The following ADAMTS12 variants were observed in gnomAD, a reference collection of about 807,000 sequenced individuals.
ADAMTS12 encodes A disintegrin and metalloproteinase with thrombospondin motifs 12.
Under a neutral mutation model 167.8 loss-of-function variants are expected in ADAMTS12, and 118 were observed. That is an observed-to-expected ratio of 0.70 (90% confidence interval 0.61 to 0.82). ADAMTS12 has a LOEUF of 0.82. ADAMTS12 is among the 40% of genes least tolerant of loss of function. The pLI, the probability that ADAMTS12 is intolerant of heterozygous loss-of-function variation, is 0.00. For synonymous variants in ADAMTS12, 704 were observed against 716.9 expected (o/e 0.98, Z 0.29); for missense variants, 1,916 against 1,998.8 (o/e 0.96, Z 0.79).
chr5:33,871,323 T>G (rs529969406), intron 2 of ADAMTS12, among the ~76,000 whole-genome samples: 1 of 152,094 alleles, frequency 6.6e-6, no homozygotes, highest in Admixed American at 6.5e-5. Flanking sequence ...AAACAGAAGA[T>G]AAGGAAACAC....
At chr5:33,799,880 C>G (rs1269116674) in intron 2 of ADAMTS12, among the ~76,000 whole-genome samples, 1 of 152,114 alleles carries the variant, frequency 6.6e-6, no homozygotes, top group Non-Finnish European at 1.5e-5. Context: ...TCTCCTCAAT[C>G]CAGATAAGGG....
At chr5:33,655,396 C>T (rs4866357) in intron 7 of ADAMTS12, among the ~76,000 whole-genome samples, 10,764 of 152,118 alleles carry the variant, frequency 0.071, 484 homozygotes, top group Non-Finnish European at 0.11. Flanking sequence ...GTTCTTCTCA[C>T]GTTGGGTAGG....
At chr5:33,650,864 T>G (rs923534905) in intron 7 of ADAMTS12, among the ~76,000 whole-genome samples, 1 of 152,208 alleles carries the variant, frequency 6.6e-6, no homozygotes, top group African/African-American at 2.4e-5. Context: ...TAAATCTGTA[T>G]GACCTTTTAC....
chr5:33,702,912 G>A (rs1743054205), intron 3 of ADAMTS12, among the ~76,000 whole-genome samples: 2 of 152,152 alleles, frequency 1.3e-5, no homozygotes, highest in Admixed American at 1.3e-4. Context: ...AAGACTGTCT[G>A]TAGATGGTAC....
At chr5:33,699,875 C>T (rs1212049658) in intron 3 of ADAMTS12, among the ~76,000 whole-genome samples, 1 of 152,022 alleles carries the variant, frequency 6.6e-6, no homozygotes, top group Non-Finnish European at 1.5e-5. Context: ...AGTAACAATA[C>T]AAAAACAAGC....
At chr5:33,539,492 G>A (rs1284790466) in intron 22 of ADAMTS12, among the ~76,000 whole-genome samples, 1 of 152,156 alleles carries the variant, frequency 6.6e-6, no homozygotes, top group Non-Finnish European at 1.5e-5. Flanking sequence ...CCAAGGTGCT[G>A]GTTGTAAAAC....
chr5:33,555,653 A>G (rs1028692229), intron 20 of ADAMTS12, among the ~76,000 whole-genome samples: 4 of 152,258 alleles, frequency 2.6e-5, no homozygotes, highest in Admixed American at 2.6e-4. Context: ...TGTAATTAAA[A>G]TGACATAATC....
Position 33,862,188 on chromosome 5 carries a change from T to C in ADAMTS12, c.489+18931A>G, listed in dbSNP as rs144204271. Among the ~76,000 whole-genome samples, 866 of 151,812 alleles carry C rather than the reference T, an allele frequency of 5.7e-3. 8 individuals carry two copies. The highest frequency in any genetic ancestry group is 0.02 in the African/African-American group (838 of 41,420). On this transcript the variant is annotated intron_variant, in intron 2 of 23. Transcript: ENST00000504830. The stretch of plus-strand genomic sequence containing the variant: ...GGAAATAACTAAGATCAGAGCAGAA[T>C]TGAAAAAGATAGAGACATGAAAAAC...
chr5:33,648,879 A>C lies in ADAMTS12; in HGVS notation c.1422T>G (p.Val474=). The C allele has an allele frequency of 1.6e-5, 26 of 1,614,024 alleles. No individual in the cohort carries two copies. The highest frequency in any genetic ancestry group is 2.2e-5 in the Non-Finnish European group (26 of 1,179,980). Residue 474 remains valine, a synonymous_variant, in exon 9 of 24, where the codon GTT becomes GTG. Coordinates refer to ENST00000504830, the MANE Select transcript of ADAMTS12 (RefSeq NM_030955.4). ...KVIAPGVIYD[V]HHQCQLQYGP... is the part of the protein sequence containing the mutation. ...CATATTGTAGCTGGCACTGGTGGTG[A>C]ACATCATAGATCACTCCGGGGGCAA...
At chr5:33,588,867 C>G in intron 17 of ADAMTS12, 58 bp from the exon 18 acceptor site, 2 of 1,587,154 alleles carry the variant, frequency 1.3e-6, no homozygotes, top group Non-Finnish European at 1.7e-6. Context: ...ATGTTCCATT[C>G]AACCACTGAG....
chr5:33,698,952 T>G (rs957391248), intron 3 of ADAMTS12, among the ~76,000 whole-genome samples: 1 of 151,802 alleles, frequency 6.6e-6, no homozygotes, highest in Admixed American at 6.6e-5. Flanking sequence ...AGGTCAGGAG[T>G]TCGAGACAAG....
At chr5:33,615,712 T>C in intron 15 of ADAMTS12, 116 bp downstream of exon 15, 1 of 1,391,646 alleles carries the variant, frequency 7.2e-7, no homozygotes, top group Non-Finnish European at 9.8e-7. Flanking sequence ...CCCTGCTCCT[T>C]GCTAAAAGAG....
chr5:33,562,369 T>G (rs1433012119), intron 19 of ADAMTS12, among the ~76,000 whole-genome samples: 1 of 152,170 alleles, frequency 6.6e-6, no homozygotes, highest in Non-Finnish European at 1.5e-5. Context: ...GGGGGTCACT[T>G]TGAAAACCAT....
At chr5:33,671,197 T>A (rs1313643494) in intron 5 of ADAMTS12, among the ~76,000 whole-genome samples, 1 of 152,120 alleles carries the variant, frequency 6.6e-6, no homozygotes, top group African/African-American at 2.4e-5. Context: ...TATGAAAGGG[T>A]AGCACAAGGG....
At chr5:33,852,297 G>T (rs1037739781) in intron 2 of ADAMTS12, among the ~76,000 whole-genome samples, 9 of 152,136 alleles carry the variant, frequency 5.9e-5, no homozygotes. Context: ...TTTTAAAAAG[G>T]TTTTCTAGAA....
At chr5:33,696,540 G>A (rs4461641) in intron 3 of ADAMTS12, among the ~76,000 whole-genome samples, 1 of 151,956 alleles carries the variant, frequency 6.6e-6, no homozygotes, top group South Asian at 2.1e-4. Flanking sequence ...TTCTTTTCCG[G>A]GACCCTAACT....
At chr5:33,747,901 T>A (rs1438000061) in intron 3 of ADAMTS12, among the ~76,000 whole-genome samples, 1 of 152,200 alleles carries the variant, frequency 6.6e-6, no homozygotes, top group East Asian at 1.9e-4. Context: ...AGGTATATTC[T>A]ATTTACAATT....
intron 7 of ADAMTS12, among the ~76,000 whole-genome samples, chr5:33,650,293 T>C (rs1239751645): frequency 6.6e-6 from 1 of 152,168 alleles, no homozygotes; most frequent in Non-Finnish European, 1.5e-5. Flanking sequence ...TGTAAATCAT[T>C]AAAACTTGCC....
At position 33,641,918 on chromosome 5, in the gene ADAMTS12, T is replaced by G. The variant is rs138623141; in HGVS notation, c.1610A>C (p.Lys537Thr). The G allele has an allele frequency of 6.2e-7, 1 of 1,613,624 alleles. No individual in the cohort carries two copies. The highest frequency in any genetic ancestry group is 8.5e-7 in the Non-Finnish European group (1 of 1,179,662). ...CCAGCCTCCAGGAATGCTCTCTGGT[T>G]TCTTCCCCACTGTGATGCACTTGCC... is the stretch of plus-strand genomic sequence containing the variant. ...MAGKCITVGK[K>T]PESIPGGWGR... The change falls in exon 11 of 24, where the codon AAA (lysine) becomes ACA (threonine). Residue 537 changes from lysine to threonine, a missense_variant. Physicochemically the swap from Lys to Thr is moderately conservative, Grantham distance 78. Transcript: ENST00000504830.
Sources: allele counts gnomAD v4.1 joint callset (sites outside exome capture counted in the v4.1 genomes callset), GRCh38; gene constraint gnomAD v4.1.1; transcripts MANE v1.5; gene names NCBI Gene and HGNC (gene_info 2026-07-23, HGNC 2026-07-21).